The following PPM1H variants were observed in gnomAD, a reference collection of about 807,000 sequenced individuals.
The protein encoded by PPM1H is protein phosphatase 1H.
A neutral mutation model predicts 54.9 loss-of-function variants in PPM1H; 27 were observed. That is an observed-to-expected ratio of 0.49 (90% CI 0.36 to 0.68). The LOEUF is 0.68. PPM1H is among the 30% of genes least tolerant of loss of function. The pLI is 0.00. For missense variants in PPM1H, 596 were observed against 667.8 expected (o/e 0.89, Z 1.19); for synonymous variants, 305 against 270.8 (o/e 1.13, Z -1.24).
chr12:62,829,979 T>C (rs1868332633), intron 2 of PPM1H, among the ~76,000 whole-genome samples: 2 of 152,226 alleles, frequency 1.3e-5, no homozygotes, highest in South Asian at 4.1e-4. Context: ...TTCCAAGCCC[T>C]TTCCCATAAT....
intron 4 of PPM1H, among the ~76,000 whole-genome samples, chr12:62,743,181 T>A (rs1229933522): frequency 6.6e-6 from 1 of 152,054 alleles, no homozygotes; most frequent in South Asian, 2.1e-4. Flanking sequence ...TGAAACCCCA[T>A]CTCTACTAAA....
intron 1 of PPM1H, among the ~76,000 whole-genome samples, chr12:62,853,855 G>T (rs974921244): frequency 6.6e-6 from 1 of 152,112 alleles, no homozygotes; most frequent in Non-Finnish European, 1.5e-5. Context: ...AGAAGGTAAG[G>T]GGGTAGTTCC....
At chr12:62,817,942 AC>A (rs1195197509) in intron 2 of PPM1H, among the ~76,000 whole-genome samples, 1 of 152,142 alleles carries the variant, frequency 6.6e-6, no homozygotes, top group Non-Finnish European at 1.5e-5. Context: ...TTGTAATTAG[AC>A]ACTGAACTAG....
intron 1 of PPM1H, among the ~76,000 whole-genome samples, chr12:62,888,757 C>T (rs1304510745): frequency 6.6e-6 from 1 of 152,114 alleles, no homozygotes; most frequent in Non-Finnish European, 1.5e-5. Flanking sequence ...TAAGGTAAAA[C>T]AAGGATATAC....
At chr12:62,907,844 G>T (rs776834433) in intron 1 of PPM1H, among the ~76,000 whole-genome samples, 4 of 152,114 alleles carry the variant, frequency 2.6e-5, no homozygotes, top group Non-Finnish European at 5.9e-5. Flanking sequence ...CCCAGAGGCT[G>T]ACAGAAAGAG....
rs555309713 is a variant in PPM1H, at chr12:62,890,051, C to T, written c.245+44441G>A. On this transcript the variant is annotated intron_variant, in intron 1 of 9. Coordinates refer to ENST00000228705, the MANE Select transcript of PPM1H (RefSeq NM_020700.2). ...TCTGGTAAAGGATTATTATTGAAAACATACTAAGAACTCTTAAAACTCAAC... is the reference window on the plus strand; with the variant it reads ...TCTGGTAAAGGATTATTATTGAAAATATACTAAGAACTCTTAAAACTCAAC... 3.1e-3 allele frequency among the ~76,000 whole-genome samples: 476 copies of T among 152,176 alleles called. 5 individuals carry two copies. The highest frequency in any genetic ancestry group is 0.011 in the African/African-American group (461 of 41,526).
At chr12:62,812,935 C>T (rs961696897) in intron 2 of PPM1H, among the ~76,000 whole-genome samples, 13 of 151,466 alleles carry the variant, frequency 8.6e-5, no homozygotes, top group African/African-American at 2.9e-4. Context: ...ATACTGATCC[C>T]AGGGCCAACC....
At position 62,756,021 on chromosome 12, in the gene PPM1H, G is replaced by A. The variant is rs544775717; in HGVS notation, c.870-18435C>T. The A allele has an allele frequency of 1.4e-3, 1,934 of 1,414,220 alleles. 3 individuals are homozygous for A. Among genetic ancestry groups the A allele is most frequent in the Non-Finnish European group, 1.5e-3 (1,482 of 1,011,864 alleles). 87.6% of individuals were successfully genotyped at this position (1,414,220 alleles called of 1,614,324 possible). A position where few individuals can be genotyped will look rare whatever the true frequency, so the allele number is the denominator to read the frequency against. On this transcript the variant is annotated intron_variant, in intron 4 of 9. Coordinates refer to ENST00000228705, the MANE Select transcript of PPM1H (RefSeq NM_020700.2). ...ACATCAAGAAGGTGGTGAAGCAGGC[G>A]TCCGAGACCCCCTCAAGGGCATCCT... is the stretch of plus-strand genomic sequence containing the variant.
chr12:62,779,459 G>T (rs1042282841), intron 4 of PPM1H, among the ~76,000 whole-genome samples: 1 of 152,224 alleles, frequency 6.6e-6, no homozygotes, highest in African/African-American at 2.4e-5. Flanking sequence ...ACATTCTTCA[G>T]CGGCTTGTTG....
At chr12:62,734,157 T>TAA (rs60789304) in intron 5 of PPM1H, among the ~76,000 whole-genome samples, 1 of 136,144 alleles carries the variant, frequency 7.3e-6, no homozygotes. Flanking sequence ...TTAAAGAAAA[T>TAA]AAAAAAAAAA....
chr12:62,771,843 T>C (rs1382928799), intron 4 of PPM1H, among the ~76,000 whole-genome samples: 3 of 152,188 alleles, frequency 2.0e-5, no homozygotes, highest in Admixed American at 6.5e-5. Context: ...GTGAGTTCCA[T>C]AATGGCAGAG....
rs2075780376 is a variant in PPM1H, at chr12:62,645,626, G to A, written c.*2863C>T. On this transcript the variant is annotated 3_prime_UTR_variant, in exon 10 of 10. Transcript: ENST00000228705. ...ACGGACTGAGTTTGTTCTAAGGAAA[G>A]GAGTTTCACCAGATAGTCTGAAGAG... 1 of 152,196 alleles carries A rather than the reference G, an allele frequency of 6.6e-6. No homozygotes were observed. Among genetic ancestry groups the A allele is most frequent in the Non-Finnish European group, 1.5e-5 (1 of 68,076 alleles). 9.4% of individuals were successfully genotyped at this position (152,196 alleles called of 1,614,324 possible).
At chr12:62,814,415 C>T (rs987740927) in intron 2 of PPM1H, among the ~76,000 whole-genome samples, 2 of 152,004 alleles carry the variant, frequency 1.3e-5, no homozygotes, top group Non-Finnish European at 2.9e-5. Context: ...GAGGGTCTTG[C>T]TATGTTGCCC....
chr12:62,830,241 T>TTTTA (rs1010556749), intron 2 of PPM1H, among the ~76,000 whole-genome samples: 138 of 152,234 alleles, frequency 9.1e-4, no homozygotes, highest in South Asian at 4.8e-3. Flanking sequence ...TTCCTTTATA[T>TTTTA]TTTATTTATT....
intron 1 of PPM1H, among the ~76,000 whole-genome samples, chr12:62,848,696 C>G (rs919622678): frequency 6.6e-6 from 1 of 152,180 alleles, no homozygotes; most frequent in Non-Finnish European, 1.5e-5. Context: ...TCACCAAGCA[C>G]TGGAATTCCC....
At chr12:62,734,797 A>G (rs73127940) in intron 5 of PPM1H, among the ~76,000 whole-genome samples, 3,219 of 152,254 alleles carry the variant, frequency 0.021, 55 homozygotes, top group East Asian at 0.073. Flanking sequence ...ACCCCCAGCA[A>G]TTTGGGAGGC....
At chr12:62,843,064 C>A (rs1474256980) in intron 1 of PPM1H, among the ~76,000 whole-genome samples, 3 of 152,184 alleles carry the variant, frequency 2.0e-5, no homozygotes, top group Non-Finnish European at 2.9e-5. Flanking sequence ...GCTTGTAATT[C>A]CAGCACTTTG....
At position 62,689,737 on chromosome 12, in the gene PPM1H, T is replaced by G; in HGVS notation, c.1207A>C (p.Asn403His). Residue 403 changes from asparagine (N) to histidine (H), a missense_variant, in exon 8 of 10, where the codon AAC becomes CAC. Asn to His is a moderately conservative substitution (Grantham distance 68). Around this residue, in one of 3 missense-constraint regions of PPM1H, gnomAD observed 208 missense variants for 259.5 expected, o/e 0.80. Coordinates refer to ENST00000228705, the MANE Select transcript of PPM1H (RefSeq NM_020700.2). ...GACAGGAATGGTTTAATGTAGATGT[T>G]GGAGTCATGCACCTTCAGGTCATGG... ...GDHDLKVHDSNIYIKPFLSSA... is the reference protein window; with the variant it reads ...GDHDLKVHDSHIYIKPFLSSA... 6.2e-7 allele frequency: 1 copy of G among 1,613,860 alleles called. No homozygotes were observed.
At chr12:62,676,837 C>T (rs532523423) in intron 8 of PPM1H, among the ~76,000 whole-genome samples, 34 of 152,230 alleles carry the variant, frequency 2.2e-4, no homozygotes, top group Non-Finnish European at 4.9e-4. Context: ...AGGAAGCACA[C>T]AGGTTCCTGG....
Sources: gnomAD v4.1 joint callset for allele counts (sites outside exome capture counted in the v4.1 genomes callset) on GRCh38, gnomAD v4.1.1 for gene constraint, gnomAD v4.1.1 regional missense constraint, MANE v1.5 for transcripts, NCBI Gene and HGNC (gene_info 2026-07-23, HGNC 2026-07-21) for gene names.